Variants in RC3H1 observed in about 807,000 individuals in gnomAD.
The protein encoded by RC3H1 is ring finger and CCCH-type domains 1, also known as roquin-1.
Under a neutral mutation model 138.2 loss-of-function variants are expected in RC3H1, and 50 were observed. That is an observed-to-expected ratio of 0.36 (90% CI 0.29 to 0.46). RC3H1 has a LOEUF of 0.46. RC3H1 is among the 20% of genes least tolerant of loss of function. RC3H1 has a pLI of 1.00. For synonymous variants in RC3H1, 462 were observed against 489.1 expected, an observed-to-expected ratio of 0.94 and a Z score of 0.73; for missense variants, 1,031 against 1,388.1, an observed-to-expected ratio of 0.74 and a Z score of 4.09.
chr1:173,946,393 G>T, intron 17 of RC3H1, 83 bp downstream of exon 17: 2 of 1,339,064 alleles, frequency 1.5e-6, no homozygotes, highest in South Asian at 1.4e-5. Flanking sequence ...AAAGTTTTTT[G>T]TTCACAGTGC....
At chr1:173,968,206 C>T (rs933991964) in intron 9 of RC3H1, among the ~76,000 whole-genome samples, 1 of 152,130 alleles carries the variant, frequency 6.6e-6, no homozygotes, top group African/African-American at 2.4e-5. Flanking sequence ...AGTTATTAGT[C>T]TAGTTCCTGT....
chr1:174,007,818 C>A (rs1369144122), intron 1 of RC3H1, among the ~76,000 whole-genome samples: 1 of 152,092 alleles, frequency 6.6e-6, no homozygotes. Flanking sequence ...TAAACTGTTA[C>A]AAAGCACTCC....
intron 1 of RC3H1, among the ~76,000 whole-genome samples, chr1:173,994,217 C>T (rs552035675): frequency 6.6e-6 from 1 of 151,438 alleles, no homozygotes; most frequent in Non-Finnish European, 1.5e-5. Context: ...CATGGTGAAA[C>T]CCCGTCTCTA....
At chr1:173,945,485 C>T (rs1659094533) in intron 17 of RC3H1, among the ~76,000 whole-genome samples, 1 of 152,110 alleles carries the variant, frequency 6.6e-6, no homozygotes, top group East Asian at 1.9e-4. Flanking sequence ...ATGGAAAGAA[C>T]ACTGAATCTG....
Position 173,972,496 on chromosome 1 carries a change from A to C in RC3H1, c.1221+13T>G. 1 of 1,595,332 alleles carries C rather than the reference A, an allele frequency of 6.3e-7. No individual in the cohort carries two copies. The highest frequency in any genetic ancestry group is 1.1e-5 in the South Asian group (1 of 90,604). ...ACAGTGGGTTAACTCTAAGTTTTAA[A>C]CAGCTTCCTTACCTGCTGCTGATCT... On this transcript the variant is annotated intron_variant, in intron 8 of 19. Transcript: ENST00000367696.
chr1:174,012,281 G>A (rs892547078), intron 1 of RC3H1, among the ~76,000 whole-genome samples: 8 of 151,900 alleles, frequency 5.3e-5, no homozygotes, highest in African/African-American at 1.9e-4. Context: ...TGCATCGAGA[G>A]AATCAGCTAT....
At chr1:173,949,614 C>A (rs185293946) in intron 14 of RC3H1, among the ~76,000 whole-genome samples, 1 of 152,254 alleles carries the variant, frequency 6.6e-6, no homozygotes, top group East Asian at 1.9e-4. Flanking sequence ...AGTGATCCGC[C>A]TGCCTTGGCC....
At chr1:174,013,530 C>T (rs569955627) in intron 1 of RC3H1, among the ~76,000 whole-genome samples, 5 of 151,988 alleles carry the variant, frequency 3.3e-5, no homozygotes, top group African/African-American at 4.8e-5. Context: ...CAACCTCCGC[C>T]GCCTGGGTTC....
At chr1:173,966,204 T>TATC (rs1660110013) in intron 9 of RC3H1, among the ~76,000 whole-genome samples, 2 of 152,182 alleles carry the variant, frequency 1.3e-5, no homozygotes, top group African/African-American at 4.8e-5. Context: ...ATGCTGATGT[T>TATC]ATGTATGCCA....
At chr1:173,980,077 A>C (rs908467750) in intron 6 of RC3H1, among the ~76,000 whole-genome samples, 1 of 149,048 alleles carries the variant, frequency 6.7e-6, no homozygotes. Context: ...TGAGTGTCCC[A>C]ATGTTTCCCA....
Position 173,932,802 on chromosome 1 carries a change from AAATAAT to A in RC3H1, c.*5913_*5918del, listed in dbSNP as rs370491159. ...AAATAAATGGTGATTAAAAAAAGGCAAATAATAATAATAATAATAATAGAGCAACCA... is the reference window on the plus strand; with the variant it reads ...AAATAAATGGTGATTAAAAAAAGGCAAATAATAATAATAATAGAGCAACCA... On this transcript the variant is annotated 3_prime_UTR_variant, in exon 20 of 20. Transcript: ENST00000367696. 4.0e-5 allele frequency: 6 copies of A among 151,764 alleles called. No homozygotes were observed. Among genetic ancestry groups the A allele is most frequent in the East Asian group, 1.9e-4 (1 of 5,200 alleles). The allele number at this position is 151,764 out of a possible 1,614,324, so 9.4% of individuals were successfully genotyped here. A position where few individuals can be genotyped will look rare whatever the true frequency, so the allele number is the denominator to read the frequency against.
At chr1:173,996,863 A>C (rs967206518) in intron 1 of RC3H1, among the ~76,000 whole-genome samples, 1 of 152,092 alleles carries the variant, frequency 6.6e-6, no homozygotes, top group Non-Finnish European at 1.5e-5. Context: ...TCCATTGATC[A>C]AAATCTGTGT....
chr1:173,980,084 C>T (rs1244909730), intron 6 of RC3H1, among the ~76,000 whole-genome samples: 2 of 148,394 alleles, frequency 1.3e-5, no homozygotes, highest in African/African-American at 2.5e-5. Flanking sequence ...CCCAATGTTT[C>T]CCAGGCTGTG....
intron 6 of RC3H1, 65 bp from the exon 7 acceptor site, chr1:173,978,685 A>G: frequency 1.4e-6 from 2 of 1,470,868 alleles, no homozygotes; most frequent in South Asian, 1.3e-5. Context: ...AAGATTATTT[A>G]TATCACAATC....
At chr1:173,982,065 C>A (rs1282283088) in intron 5 of RC3H1, among the ~76,000 whole-genome samples, 1 of 152,144 alleles carries the variant, frequency 6.6e-6, no homozygotes, top group African/African-American at 2.4e-5. Context: ...TGTGGAATTA[C>A]ACTAGGAGAA....
chr1:173,961,048 A>G, intron 13 of RC3H1, 29 bp downstream of exon 13: 5 of 1,606,596 alleles, frequency 3.1e-6, no homozygotes, highest in Non-Finnish European at 4.3e-6. Context: ...AAAAACACGG[A>G]TAAATGAGAC....
intron 2 of RC3H1, among the ~76,000 whole-genome samples, chr1:173,987,795 C>T (rs1213621940): frequency 6.6e-6 from 1 of 151,820 alleles, no homozygotes; most frequent in Non-Finnish European, 1.5e-5. Context: ...TGTATATAAC[C>T]ATCTGTATCC....
chr1:173,950,537 T>C (rs771773791), intron 14 of RC3H1, among the ~76,000 whole-genome samples: 5 of 148,324 alleles, frequency 3.4e-5, no homozygotes, highest in Non-Finnish European at 5.9e-5. Flanking sequence ...TGCAGTGAGC[T>C]GTGATTGTGA....
intron 13 of RC3H1, among the ~76,000 whole-genome samples, chr1:173,954,983 T>C (rs1259055811): frequency 9.2e-5 from 14 of 151,778 alleles, no homozygotes; most frequent in Admixed American, 9.2e-4. Context: ...TCCCAGCACT[T>C]TGGGAGGCTG....
Sources: gnomAD v4.1 joint callset for allele counts (sites outside exome capture counted in the v4.1 genomes callset) on GRCh38, gnomAD v4.1.1 for gene constraint, MANE v1.5 for transcripts, NCBI Gene and HGNC (gene_info 2026-07-23, HGNC 2026-07-21) for gene names.